Variants in PLXNA4 observed in about 807,000 individuals in gnomAD.
PLXNA4 encodes the protein plexin A4.
A neutral mutation model predicts 191.8 loss-of-function variants in PLXNA4; 44 were observed. The ratio of observed to expected loss-of-function variants is 0.23; its 90% CI spans 0.18 to 0.29. PLXNA4 has a LOEUF of 0.29. Among genes scored for constraint, PLXNA4 ranks in the 10% least tolerant of loss-of-function variants. PLXNA4 has a pLI of 1.00. For missense variants in PLXNA4, 1,800 were observed against 2,488.8 expected (o/e 0.72, Z 5.89); for synonymous variants, 1,082 against 1,009.5 (o/e 1.07, Z -1.36).
intron 29 of PLXNA4, among the ~76,000 whole-genome samples, chr7:132,142,559 C>T (rs1449141425): frequency 2.6e-5 from 4 of 152,332 alleles, no homozygotes; most frequent in Admixed American, 6.5e-5. Context: ...GCCAATCAGT[C>T]GACAAGGATC....
At chr7:132,645,793 C>T (rs1485949119) in intron 2 of PLXNA4, 4 of 152,362 alleles carry the variant, frequency 2.6e-5, no homozygotes, top group Non-Finnish European at 5.9e-5. Flanking sequence ...GCATTACCAT[C>T]AAGGGAAGCG....
intron 3 of PLXNA4, among the ~76,000 whole-genome samples, chr7:132,363,978 C>A (rs1472753442): frequency 2.0e-5 from 3 of 152,240 alleles, no homozygotes; most frequent in African/African-American, 7.2e-5. Context: ...AGCAGAGCAC[C>A]AGGGTGGAGG....
intron 3 of PLXNA4, among the ~76,000 whole-genome samples, chr7:132,314,329 G>T (rs564519309): frequency 1.3e-5 from 2 of 152,168 alleles, no homozygotes; most frequent in South Asian, 4.1e-4. Context: ...AAATAGTAGG[G>T]TTTATTTCCC....
chr7:132,382,079 AG>A (rs2116945509), intron 3 of PLXNA4, among the ~76,000 whole-genome samples: 2 of 152,314 alleles, frequency 1.3e-5, no homozygotes, highest in East Asian at 3.9e-4. Context: ...AGGGGAGAAA[AG>A]AAAGCTGGGG....
chr7:132,415,356 A>G (rs1370181372), intron 3 of PLXNA4, among the ~76,000 whole-genome samples: 6 of 152,278 alleles, frequency 3.9e-5, no homozygotes, highest in Non-Finnish European at 7.4e-5. Flanking sequence ...GTGCACGGGT[A>G]TGTTCACATG....
chr7:132,388,184 A>G (rs1198889188), intron 3 of PLXNA4, among the ~76,000 whole-genome samples: 3 of 152,112 alleles, frequency 2.0e-5, no homozygotes, highest in African/African-American at 7.2e-5. Context: ...GGTACAGCCA[A>G]TCCCTGGTTC....
intron 3 of PLXNA4, among the ~76,000 whole-genome samples, chr7:132,465,213 G>A (rs1266615668): frequency 1.3e-5 from 2 of 152,164 alleles, no homozygotes; most frequent in African/African-American, 2.4e-5. Context: ...TGGAGGCTGG[G>A]GCCTCTAGTT....
chr7:132,173,597 T>G (rs1329980151), intron 21 of PLXNA4, among the ~76,000 whole-genome samples: 2 of 152,198 alleles, frequency 1.3e-5, no homozygotes, highest in African/African-American at 4.8e-5. Context: ...GAGAAACGTG[T>G]GTGCCACGAA....
intron 2 of PLXNA4, among the ~76,000 whole-genome samples, chr7:132,639,635 G>T (rs925148114): frequency 6.6e-5 from 10 of 152,158 alleles, no homozygotes; most frequent in Non-Finnish European, 8.8e-5. Context: ...CCCCTACCTG[G>T]TTCCCCAGCG....
chr7:132,141,416 C>T (rs189823819), intron 29 of PLXNA4, among the ~76,000 whole-genome samples: 42 of 152,324 alleles, frequency 2.8e-4, no homozygotes, highest in Non-Finnish European at 1.6e-4. Context: ...TGGGCCCCAT[C>T]GTATTCCCTC....
chr7:132,202,563 A>T (rs1797473996), intron 12 of PLXNA4, 83 bp downstream of exon 12: 1 of 1,343,382 alleles, frequency 7.4e-7, no homozygotes, highest in Non-Finnish European at 9.6e-7. Flanking sequence ...GACCGACACC[A>T]CGGCTGGGCA....
At chr7:132,276,379 C>A (rs1305866215) in intron 4 of PLXNA4, among the ~76,000 whole-genome samples, 2 of 152,134 alleles carry the variant, frequency 1.3e-5, no homozygotes. Context: ...TATAGCATAT[C>A]ATTAGTGGAA....
At chr7:132,270,385 C>G (rs192296080) in intron 4 of PLXNA4, among the ~76,000 whole-genome samples, 1 of 152,158 alleles carries the variant, frequency 6.6e-6, no homozygotes, top group Non-Finnish European at 1.5e-5. Context: ...CAATATATCC[C>G]CTGAGGGCTA....
intron 1 of PLXNA4, among the ~76,000 whole-genome samples, chr7:132,562,912 T>TC: frequency 1.0e-5 from 1 of 100,174 alleles, no homozygotes; most frequent in Non-Finnish European, 2.0e-5. Context: ...CTCCTCCTCC[T>TC]CTTCCTCCTC....
At chr7:132,179,996 G>A in intron 19 of PLXNA4, 75 bp from the exon 20 acceptor site, 2 of 1,502,482 alleles carry the variant, frequency 1.3e-6, no homozygotes, top group Non-Finnish European at 1.8e-6. Context: ...AGTTACCCAT[G>A]AACTAGTGAC....
At chr7:132,490,689 G>A (rs1797761801) in intron 2 of PLXNA4, among the ~76,000 whole-genome samples, 1 of 152,074 alleles carries the variant, frequency 6.6e-6, no homozygotes, top group African/African-American at 2.4e-5. Context: ...GCCTCCCGAA[G>A]TGCTAGCATT....
chr7:132,328,538 G>A (rs1802464804), intron 3 of PLXNA4, among the ~76,000 whole-genome samples: 3 of 152,228 alleles, frequency 2.0e-5, no homozygotes, highest in African/African-American at 7.2e-5. Flanking sequence ...AAGAATCAGA[G>A]GGCCTGGGCT....
chr7:132,370,536 A>T (rs749426045), intron 3 of PLXNA4, among the ~76,000 whole-genome samples: 1 of 152,184 alleles, frequency 6.6e-6, no homozygotes, highest in Admixed American at 6.5e-5. Context: ...ATACATAAAA[A>T]TATCCTTTAT....
intron 3 of PLXNA4, among the ~76,000 whole-genome samples, chr7:132,470,164 A>G (rs1796879397): frequency 6.6e-6 from 1 of 152,188 alleles, no homozygotes. Context: ...AATAAAGTCA[A>G]TGACACTGAG....
Sources: allele counts gnomAD v4.1 joint callset (sites outside exome capture counted in the v4.1 genomes callset), GRCh38; gene constraint gnomAD v4.1.1; transcripts MANE v1.5; gene names NCBI Gene and HGNC (gene_info 2026-07-23, HGNC 2026-07-21).